PROK2: variants seen among roughly 807,000 people sequenced by gnomAD.
PROK2 encodes the protein prokineticin-2.
Under a neutral mutation model 14.2 loss-of-function variants are expected in PROK2, and 8 were observed. That is an observed-to-expected ratio of 0.56 (90% confidence interval 0.33 to 1.02). The LOEUF (loss-of-function observed/expected upper bound fraction) is 1.02, where lower values mean the gene tolerates loss of function less well. Among genes scored for constraint, PROK2 ranks in the 50% least tolerant of loss-of-function variants. PROK2 has a pLI of 0.03. For synonymous variants in PROK2, 59 were observed against 60.7 expected (o/e 0.97, Z 0.13); for missense variants, 154 against 160.4 (o/e 0.96, Z 0.22).
chr3:71,781,183 A>G (rs1450172064), intron 2 of PROK2, among the ~76,000 whole-genome samples: 2 of 152,234 alleles, frequency 1.3e-5, no homozygotes, highest in Non-Finnish European at 2.9e-5. Context: ...TTTGTTCTAA[A>G]TAACTTTTAA....
intron 2 of PROK2, among the ~76,000 whole-genome samples, chr3:71,776,203 C>G (rs1038054527): frequency 1.2e-4 from 19 of 152,184 alleles, no homozygotes; most frequent in African/African-American, 4.3e-4. Flanking sequence ...TTGACTGACC[C>G]TAACATAATG....
Position 71,780,251 on chromosome 3 carries a change from T to C in PROK2, c.222+1216A>G, listed in dbSNP as rs558112500. On this transcript the variant is annotated intron_variant, in intron 2 of 3. Transcript: ENST00000295619. ...GCCAAAAGCAAATTCAGTCTTTAGA[T>C]AGGCCCAAAACAACTGGAATCCACA... 2.6e-5 allele frequency among the ~76,000 whole-genome samples: 4 copies of C among 152,350 alleles called. 1 individual carries two copies. The South Asian group carries it at 8.3e-4, about 32-fold the overall frequency.
Position 71,772,576 on chromosome 3 carries a change from C to T in PROK2, c.*148G>A. On this transcript the variant is annotated 3_prime_UTR_variant, in exon 4 of 4. Coordinates refer to ENST00000295619, the MANE Select transcript of PROK2 (RefSeq NM_001126128.2). Reference sequence around the variant, plus strand: ...TCTTTCGATAAAAAAAAAAAAAAATCATTTACAAATCAAAGATAAAAATGT... The same window carrying T: ...TCTTTCGATAAAAAAAAAAAAAAATTATTTACAAATCAAAGATAAAAATGT... 1 of 675,744 alleles carries T rather than the reference C, an allele frequency of 1.5e-6. No homozygotes were observed. Among genetic ancestry groups the T allele is most frequent in the South Asian group, 1.9e-5 (1 of 52,238 alleles). 41.9% of individuals were successfully genotyped at this position (675,744 alleles called of 1,614,324 possible).
chr3:71,781,409 A>T, intron 2 of PROK2, 58 bp downstream of exon 2: 4 of 1,587,288 alleles, frequency 2.5e-6, no homozygotes, highest in East Asian at 2.2e-5. Flanking sequence ...TGTCATACAG[A>T]CCCTGCTCAG....
At chr3:71,776,685 A>G (rs2050122885) in intron 2 of PROK2, among the ~76,000 whole-genome samples, 1 of 152,054 alleles carries the variant, frequency 6.6e-6, no homozygotes, top group Admixed American at 6.5e-5. Flanking sequence ...GCCAAAAACC[A>G]TGATTTCTGA....
intron 2 of PROK2, among the ~76,000 whole-genome samples, chr3:71,778,208 T>C (rs1481158056): frequency 2.0e-5 from 3 of 151,250 alleles, no homozygotes; most frequent in Non-Finnish European, 4.4e-5. Flanking sequence ...AAAAAATAAA[T>C]AAATAAAATA....
chr3:71,776,904 C>T (rs1232554874), intron 2 of PROK2, among the ~76,000 whole-genome samples: 1 of 152,176 alleles, frequency 6.6e-6, no homozygotes, highest in South Asian at 2.1e-4. Context: ...TTCCAATAGC[C>T]TAGAATTCCA....
At chr3:71,778,090 G>A (rs2050133213) in intron 2 of PROK2, among the ~76,000 whole-genome samples, 1 of 152,000 alleles carries the variant, frequency 6.6e-6, no homozygotes, top group Non-Finnish European at 1.5e-5. Context: ...CCAGCTACTT[G>A]AGAGGCTGAG....
rs2050080810 is a variant in PROK2, at chr3:71,771,703, A to ATTAAAATAAATCAAATACAAATATT, written c.*1020_*1021insAATATTTGTATTTGATTTATTTTAA. The stretch of plus-strand genomic sequence containing the variant: ...TAAAATAAATCAAATGATATACAGT[A>ATTAAAATAAATCAAATACAAATATT]CTGTTATTATTCTGATACAGAATTT... On this transcript the variant is annotated 3_prime_UTR_variant, in exon 4 of 4. Coordinates refer to ENST00000295619, the MANE Select transcript of PROK2 (RefSeq NM_001126128.2). 6.6e-6 allele frequency: 1 copy of ATTAAAATAAATCAAATACAAATATT among 152,664 alleles called. No homozygotes were observed. The highest frequency in any genetic ancestry group is 1.5e-5 in the Non-Finnish European group (1 of 68,046). The allele number at this position is 152,664 out of a possible 1,614,324, so 9.5% of individuals were successfully genotyped here. A position where few individuals can be genotyped will look rare whatever the true frequency, so the allele number is the denominator to read the frequency against.
At chr3:71,784,765 T>C (rs1422011470) in intron 1 of PROK2, among the ~76,000 whole-genome samples, 192 bp downstream of exon 1, 1 of 152,210 alleles carries the variant, frequency 6.6e-6, no homozygotes, top group African/African-American at 2.4e-5. Flanking sequence ...ACGCGCCCAG[T>C]GTCCCCAGCC....
At position 71,785,099 on chromosome 3, in the gene PROK2, G is replaced by T. The variant is rs1330094719; in HGVS notation, c.-47C>A. The T allele has an allele frequency of 2.6e-6, 3 of 1,170,550 alleles. No homozygotes were observed. Among genetic ancestry groups the T allele is most frequent in the Non-Finnish European group, 1.1e-6 (1 of 932,296 alleles). 72.5% of individuals were successfully genotyped at this position (1,170,550 alleles called of 1,614,324 possible). A position where few individuals can be genotyped will look rare whatever the true frequency, so the allele number is the denominator to read the frequency against. ...CCGCCGGAGGCAGTTGGGGGCGCGGGGCCCGGGTGCGCTGGGTGGAGCGCG... is the reference window on the plus strand; with the variant it reads ...CCGCCGGAGGCAGTTGGGGGCGCGGTGCCCGGGTGCGCTGGGTGGAGCGCG... On this transcript the variant is annotated 5_prime_UTR_variant, in exon 1 of 4. Coordinates refer to ENST00000295619, the MANE Select transcript of PROK2 (RefSeq NM_001126128.2).
At chr3:71,780,415 C>A (rs1450969431) in intron 2 of PROK2, among the ~76,000 whole-genome samples, 16 of 152,190 alleles carry the variant, frequency 1.1e-4, no homozygotes, top group Non-Finnish European at 8.8e-5. Context: ...CATTTTTAAA[C>A]CCTAAATCAC....
In PROK2 at chr3:71,785,145, CG is replaced by C. The variant is rs2050204953; in HGVS notation, c.-94del. On this transcript the variant is annotated 5_prime_UTR_variant, in exon 1 of 4. Coordinates refer to ENST00000295619, the MANE Select transcript of PROK2 (RefSeq NM_001126128.2). Reference sequence around the variant, plus strand: ...GCGCGGAGCGGCGGGCGGACGGGCGCGGCGGCTCCCGCGAGCCTCCGGGCCG... The same window carrying C: ...GCGCGGAGCGGCGGGCGGACGGGCGCGCGGCTCCCGCGAGCCTCCGGGCCG... 8 of 846,550 alleles carry C rather than the reference CG, an allele frequency of 9.5e-6. No homozygotes were observed. The South Asian group carries it at 3.5e-4, about 37-fold the overall frequency. The allele number at this position is 846,550 out of a possible 1,614,324, so 52.4% of individuals were successfully genotyped here. A position where few individuals can be genotyped will look rare whatever the true frequency, so the allele number is the denominator to read the frequency against.
At chr3:71,772,957 T>C in intron 3 of PROK2, 129 bp from the exon 4 acceptor site, 1 of 746,364 alleles carries the variant, frequency 1.3e-6, no homozygotes, top group South Asian at 1.5e-5. Context: ...CATTAGGCAA[T>C]ATGCTCAGTA....
At chr3:71,781,792 T>C (rs1157016898) in intron 1 of PROK2, among the ~76,000 whole-genome samples, 200 bp from the exon 2 acceptor site, 1 of 152,202 alleles carries the variant, frequency 6.6e-6, no homozygotes, top group East Asian at 1.9e-4. Context: ...TTCTCATTTT[T>C]CGAAAGTGGG....
chr3:71,784,942 G>A lies in PROK2; in HGVS notation c.96+15C>T, dbSNP rs2108200110. The A allele has an allele frequency of 1.6e-6, 2 of 1,242,140 alleles. No homozygotes were observed. The highest frequency in any genetic ancestry group is 3.1e-5 in the East Asian group (1 of 31,856). The allele number at this position is 1,242,140 out of a possible 1,614,324, so 76.9% of individuals were successfully genotyped here. On this transcript the variant is annotated intron_variant, in intron 1 of 3. Coordinates refer to ENST00000295619, the MANE Select transcript of PROK2 (RefSeq NM_001126128.2). ...GCGCGCATCAGGGGCAGACAGGTGC[G>A]CCCGGGCCGCTTACCCCGGTGATCA...
chr3:71,775,709 G>C (rs1482756030), intron 2 of PROK2, among the ~76,000 whole-genome samples: 5 of 152,138 alleles, frequency 3.3e-5, no homozygotes, highest in Non-Finnish European at 7.4e-5. Flanking sequence ...TAGTCAAACA[G>C]GGTCCTGCTT....
Position 71,772,404 on chromosome 3 carries a change from C to A in PROK2, c.*320G>T. ...AAAAAAAGTTTTTCTAACAAAATATCAAATTCTTATTTTCCTCATTTTTGT... is the reference window on the plus strand; with the variant it reads ...AAAAAAAGTTTTTCTAACAAAATATAAAATTCTTATTTTCCTCATTTTTGT... On this transcript the variant is annotated 3_prime_UTR_variant, in exon 4 of 4. Coordinates refer to ENST00000295619, the MANE Select transcript of PROK2 (RefSeq NM_001126128.2). 1.1e-5 allele frequency: 3 copies of A among 278,970 alleles called. No homozygotes were observed. The highest frequency in any genetic ancestry group is 2.0e-5 in the Non-Finnish European group (3 of 148,594). The allele number at this position is 278,970 out of a possible 1,614,324, so 17.3% of individuals were successfully genotyped here.
At chr3:71,774,345 G>T in intron 3 of PROK2, 100 bp downstream of exon 3, 2 of 1,537,412 alleles carry the variant, frequency 1.3e-6, no homozygotes, top group Non-Finnish European at 1.8e-6. Flanking sequence ...TGTTGGGGCT[G>T]AACTGATAGG....
Sources: allele counts gnomAD v4.1 joint callset (sites outside exome capture counted in the v4.1 genomes callset), GRCh38; gene constraint gnomAD v4.1.1; transcripts MANE v1.5; gene names NCBI Gene and HGNC (gene_info 2026-07-23, HGNC 2026-07-21).